The following DDX10 variants were observed in gnomAD, a reference collection of about 807,000 sequenced individuals.
DDX10 encodes the protein DEAD-box helicase 10.
A neutral mutation model predicts 104.3 loss-of-function variants in DDX10; 74 were observed. The observed-to-expected ratio is 0.71, with a 90% CI of 0.59 to 0.86. DDX10 has a LOEUF of 0.86. Ranked by LOEUF, DDX10 falls within the 40% of genes least tolerant of loss-of-function variation. The pLI is 0.00. For synonymous variants in DDX10, 351 were observed against 353.4 expected (o/e 0.99, Z 0.08); for missense variants, 952 against 1,040.0 (o/e 0.92, Z 1.16).
intron 10 of DDX10, among the ~76,000 whole-genome samples, chr11:108,712,804 C>T (rs986517306): frequency 7.3e-5 from 11 of 150,956 alleles, no homozygotes; most frequent in African/African-American, 2.7e-4. Context: ...TTCTCACTTA[C>T]GTTTTTTTTT....
At chr11:108,744,096 T>C (rs2094328564) in intron 13 of DDX10, among the ~76,000 whole-genome samples, 1 of 152,170 alleles carries the variant, frequency 6.6e-6, no homozygotes. Flanking sequence ...ATTCATAAGC[T>C]TTTTCAAATT....
intron 9 of DDX10, among the ~76,000 whole-genome samples, chr11:108,694,827 G>C (rs3781867): frequency 0.47 from 71,212 of 151,940 alleles, 19,693 homozygotes; most frequent in Non-Finnish European, 0.61. Context: ...GTTGCAGTGA[G>C]CCGAGATCGC....
At chr11:108,767,339 A>G (rs575429544) in intron 13 of DDX10, 1 of 152,340 alleles carries the variant, frequency 6.6e-6, no homozygotes, top group East Asian at 1.9e-4. Context: ...GGACCAAACA[A>G]TAAAACCCTG....
rs1397751932 is a variant in DDX10 at position 108,692,014 on chromosome 11, A to G, written c.1114A>G (p.Thr372Ala). The change falls in exon 8 of 18, where the codon ACT becomes GCT. Residue 372 changes from threonine to alanine, a missense_variant. Coordinates refer to ENST00000322536, the MANE Select transcript of DDX10 (RefSeq NM_004398.4). ...VRKRAAVLFA[T>A]DIAARGLDFP... The stretch of plus-strand genomic sequence containing the variant: ...TAAGAGAGCTGCAGTACTCTTTGCT[A>G]CTGATATTGCAGCCAGGGGTCTGGG... The G allele has an allele frequency of 1.9e-6, 3 of 1,612,020 alleles. No individual in the cohort carries two copies. Among genetic ancestry groups the G allele is most frequent in the Non-Finnish European group, 2.5e-6 (3 of 1,179,170 alleles).
chr11:108,723,279 G>C lies in DDX10; in HGVS notation c.1782G>C (p.Glu594Asp). The C allele has an allele frequency of 1.2e-6, 2 of 1,613,556 alleles. No individual in the cohort carries two copies. The highest frequency in any genetic ancestry group is 1.7e-6 in the Non-Finnish European group (2 of 1,179,812). The change falls in exon 13 of 18, where the codon GAG (glutamate) becomes GAC (aspartate). Residue 594 changes from glutamate (E) to aspartate (D), a missense_variant. By Grantham distance (45) the Glu-to-Asp change is conservative. Coordinates refer to ENST00000322536, the MANE Select transcript of DDX10 (RefSeq NM_004398.4). ...AAGACGATGAAGAAGAAATGGAAGA[G>C]AAACTGGCAAAAGCAAAAGGATCTC... Reference protein sequence around the residue: ...EEEDDEEEMEEKLAKAKGSQA... With the variant: ...EEEDDEEEMEDKLAKAKGSQA...
chr11:108,665,782 T>C (rs2094209335), intron 1 of DDX10, among the ~76,000 whole-genome samples: 1 of 152,136 alleles, frequency 6.6e-6, no homozygotes, highest in South Asian at 2.1e-4. Flanking sequence ...TCACGCTTAG[T>C]AGGTGGTGTG....
intron 17 of DDX10, among the ~76,000 whole-genome samples, chr11:108,928,239 G>A (rs530494107): frequency 6.6e-6 from 1 of 152,252 alleles, no homozygotes; most frequent in African/African-American, 2.4e-5. Flanking sequence ...ATAAGCCCTA[G>A]GAGTTCTCGC....
chr11:108,731,610 T>C (rs1402793980), intron 13 of DDX10, among the ~76,000 whole-genome samples: 3 of 151,284 alleles, frequency 2.0e-5, no homozygotes, highest in African/African-American at 7.3e-5. Context: ...CCTTATGGGC[T>C]GAAGTGATCT....
chr11:108,878,833 TAGAA>T (rs1438655363), intron 16 of DDX10, among the ~76,000 whole-genome samples: 13 of 152,184 alleles, frequency 8.5e-5, no homozygotes, highest in Admixed American at 8.5e-4. Context: ...TATGTGAACT[TAGAA>T]AGATTATTTA....
chr11:108,920,113 A>G (rs1863803983), intron 17 of DDX10: 2 of 152,190 alleles, frequency 1.3e-5, no homozygotes, highest in Non-Finnish European at 2.9e-5. Context: ...ATAAGAGACT[A>G]TATCATTGGT....
intron 13 of DDX10, among the ~76,000 whole-genome samples, chr11:108,821,121 AAAAGAAGATTTT>A (rs1862320627): frequency 6.6e-6 from 1 of 152,202 alleles, no homozygotes; most frequent in Non-Finnish European, 1.5e-5. Context: ...GGGATGAAGT[AAAAGAAGATTTT>A]AAAACTACAA....
chr11:108,851,216 C>A (rs1862787935), intron 15 of DDX10, among the ~76,000 whole-genome samples: 1 of 151,822 alleles, frequency 6.6e-6, no homozygotes, highest in African/African-American at 2.4e-5. Context: ...AGGAAAACTG[C>A]ATGGGGGGTG....
intron 13 of DDX10, among the ~76,000 whole-genome samples, chr11:108,753,761 T>G (rs1213438835): frequency 6.6e-6 from 1 of 152,040 alleles, no homozygotes; most frequent in African/African-American, 2.4e-5. Context: ...TAGAAATTTT[T>G]TTAGTGAAGT....
chr11:108,924,899 T>C (rs980742126), intron 17 of DDX10, among the ~76,000 whole-genome samples: 1 of 152,234 alleles, frequency 6.6e-6, no homozygotes, highest in Non-Finnish European at 1.5e-5. Flanking sequence ...TTCCAATTAC[T>C]TGAACCTCTC....
chr11:108,825,001 C>T (rs1185231004), intron 13 of DDX10, among the ~76,000 whole-genome samples: 1 of 152,004 alleles, frequency 6.6e-6, no homozygotes, highest in Non-Finnish European at 1.5e-5. Context: ...TGAACATGAT[C>T]ATAAAACTTA....
At chr11:108,916,377 C>T (rs916695676) in intron 16 of DDX10, among the ~76,000 whole-genome samples, 11 of 151,966 alleles carry the variant, frequency 7.2e-5, no homozygotes, top group Admixed American at 2.6e-4. Flanking sequence ...ATCCCCCCTC[C>T]CCCCAACTCA....
chr11:108,790,777 C>G (rs1255090806), intron 13 of DDX10, among the ~76,000 whole-genome samples: 1 of 150,508 alleles, frequency 6.6e-6, no homozygotes, highest in Non-Finnish European at 1.5e-5. Context: ...TTTTTTTTGA[C>G]TCTTAAAATT....
chr11:108,796,025 C>A lies in DDX10; in HGVS notation c.1966-42421C>A, dbSNP rs1196895175. The stretch of plus-strand genomic sequence containing the variant: ...TAGAAGTGTTCAGTTTCTTTTTAAA[C>A]AACATTCAGCAGTTTATACCTTTCA... On this transcript the variant is annotated intron_variant, in intron 13 of 17. Coordinates refer to ENST00000322536, the MANE Select transcript of DDX10 (RefSeq NM_004398.4). Among the ~76,000 whole-genome samples the A allele has an allele frequency of 2.0e-5, 3 of 152,224 alleles. No homozygotes were observed. The East Asian group carries it at 5.8e-4, about 29-fold the overall frequency.
intron 13 of DDX10, among the ~76,000 whole-genome samples, chr11:108,779,339 A>G (rs1014772634): frequency 6.6e-6 from 1 of 152,220 alleles, no homozygotes; most frequent in African/African-American, 2.4e-5. Flanking sequence ...CATATACCCT[A>G]TGGAATACTA....
Sources: gnomAD v4.1 joint callset for allele counts (sites outside exome capture counted in the v4.1 genomes callset) on GRCh38, gnomAD v4.1.1 for gene constraint, MANE v1.5 for transcripts, NCBI Gene and HGNC (gene_info 2026-07-23, HGNC 2026-07-21) for gene names.